The following COL26A1 variants were observed in gnomAD, a reference collection of about 807,000 sequenced individuals.
COL26A1 encodes collagen alpha-1(XXVI) chain.
A neutral mutation model predicts 59.3 loss-of-function variants in COL26A1; 41 were observed. The observed-to-expected ratio is 0.69, with a 90% confidence interval of 0.54 to 0.90. The LOEUF is 0.90. Among genes scored for constraint, COL26A1 ranks in the 40% least tolerant of loss-of-function variants. The pLI is 0.00. For synonymous variants in COL26A1, 266 were observed against 256.0 expected, an observed-to-expected ratio of 1.04 and a Z score of -0.37; for missense variants, 612 against 602.3, an observed-to-expected ratio of 1.02 and a Z score of -0.17.
intron 3 of COL26A1, among the ~76,000 whole-genome samples, chr7:101,488,324 T>C (rs1489503898): frequency 1.4e-5 from 2 of 143,270 alleles, no homozygotes; most frequent in Admixed American, 7.2e-5. Flanking sequence ...CATTTTAACA[T>C]TTTAATCCGT....
At chr7:101,404,147 G>A (rs1014929903) in intron 1 of COL26A1, among the ~76,000 whole-genome samples, 7 of 152,118 alleles carry the variant, frequency 4.6e-5, no homozygotes, top group African/African-American at 7.2e-5. Context: ...AGCCTGGAGC[G>A]GTGGCAGCCA....
At chr7:101,440,975 C>CAAAAAA (rs71891771) in intron 2 of COL26A1, among the ~76,000 whole-genome samples, 1 of 100,386 alleles carries the variant, frequency 1.0e-5, no homozygotes, top group Non-Finnish European at 2.4e-5. Flanking sequence ...GACTCCGTCT[C>CAAAAAA]AAAAAAAAAA....
At chr7:101,440,567 A>G (rs1224657241) in intron 2 of COL26A1, among the ~76,000 whole-genome samples, 2 of 152,130 alleles carry the variant, frequency 1.3e-5, no homozygotes. Flanking sequence ...GCCGGTTGGG[A>G]TGGTGACACA....
chr7:101,465,206 A>C (rs1467633950), intron 3 of COL26A1, among the ~76,000 whole-genome samples: 1 of 151,656 alleles, frequency 6.6e-6, no homozygotes, highest in Non-Finnish European at 1.5e-5. Context: ...AGCTCTGCTA[A>C]GTTTTAAATT....
intron 2 of COL26A1, among the ~76,000 whole-genome samples, chr7:101,423,503 G>T (rs537198575): frequency 1.3e-5 from 2 of 152,254 alleles, no homozygotes; most frequent in South Asian, 2.1e-4. Context: ...TGGAGGATAA[G>T]GTGGGTGGAT....
intron 3 of COL26A1, among the ~76,000 whole-genome samples, chr7:101,473,707 G>T (rs1793965576): frequency 6.7e-6 from 1 of 149,616 alleles, no homozygotes; most frequent in African/African-American, 2.5e-5. Flanking sequence ...AAAAAAATTA[G>T]CCAGGTGTGG....
chr7:101,422,957 G>A (rs1792558999), intron 2 of COL26A1, among the ~76,000 whole-genome samples: 1 of 152,122 alleles, frequency 6.6e-6, no homozygotes, highest in Non-Finnish European at 1.5e-5. Flanking sequence ...AGTTAAAGCT[G>A]TTACACTATC....
At chr7:101,449,046 G>T (rs996685450) in intron 3 of COL26A1, among the ~76,000 whole-genome samples, 1 of 152,206 alleles carries the variant, frequency 6.6e-6, no homozygotes, top group Non-Finnish European at 1.5e-5. Flanking sequence ...ATGCCAGGGA[G>T]TCCGACAGGT....
chr7:101,436,479 GA>G (rs1792917977), intron 2 of COL26A1, among the ~76,000 whole-genome samples: 1 of 152,096 alleles, frequency 6.6e-6, no homozygotes, highest in South Asian at 2.1e-4. Context: ...TGGAGGCTGA[GA>G]AGGGGTACGT....
chr7:101,502,459 T>C (rs1269882426), intron 3 of COL26A1, among the ~76,000 whole-genome samples: 3 of 152,214 alleles, frequency 2.0e-5, no homozygotes, highest in Non-Finnish European at 4.4e-5. Context: ...AATCCCCTCT[T>C]GTTCTAATGG....
chr7:101,489,867 T>C (rs550211925), intron 3 of COL26A1, among the ~76,000 whole-genome samples: 17 of 66,850 alleles, frequency 2.5e-4, no homozygotes, highest in South Asian at 1.8e-3. Flanking sequence ...TCTTTCTTTC[T>C]TTCTTTCTTT....
chr7:101,501,431 G>A (rs1442218584), intron 3 of COL26A1, among the ~76,000 whole-genome samples: 2 of 152,214 alleles, frequency 1.3e-5, no homozygotes, highest in East Asian at 3.9e-4. Context: ...AAGGCCAGGA[G>A]GAGCTCAGAG....
At chr7:101,365,744 G>A (rs1023061250) in intron 1 of COL26A1, among the ~76,000 whole-genome samples, 1 of 151,990 alleles carries the variant, frequency 6.6e-6, no homozygotes, top group African/African-American at 2.4e-5. Context: ...CCTACTGGCC[G>A]GTACGGGGAT....
At chr7:101,377,455 C>CA (rs1226588489) in intron 1 of COL26A1, among the ~76,000 whole-genome samples, 1 of 152,118 alleles carries the variant, frequency 6.6e-6, no homozygotes, top group African/African-American at 2.4e-5. Context: ...GCCAGGGTCT[C>CA]ACTCTGTTGT....
intron 1 of COL26A1, among the ~76,000 whole-genome samples, chr7:101,405,004 A>T (rs1163034004): frequency 6.6e-6 from 1 of 152,184 alleles, no homozygotes; most frequent in Non-Finnish European, 1.5e-5. Flanking sequence ...CGGGCAGATC[A>T]CAAGGTCAGG....
intron 1 of COL26A1, among the ~76,000 whole-genome samples, chr7:101,395,251 C>A (rs1791829303): frequency 6.6e-6 from 1 of 152,110 alleles, no homozygotes; most frequent in South Asian, 2.1e-4. Context: ...AGGGAGAAAA[C>A]CTTATCCTGA....
intron 1 of COL26A1, among the ~76,000 whole-genome samples, chr7:101,385,367 G>GTGTATATATATATATATATATATATA (rs896826101): frequency 2.2e-5 from 3 of 137,022 alleles, no homozygotes; most frequent in East Asian, 2.1e-4. Flanking sequence ...ATATATGTGT[G>GTGTATATATATATATATATATATATA]TATATATATA....
rs149391579 is a variant in COL26A1 at position 101,408,799 on chromosome 7, G to A, written c.159-11178G>A. 7.8e-3 allele frequency among the ~76,000 whole-genome samples: 1,182 copies of A among 152,254 alleles called. 11 individuals carry two copies. The highest frequency in any genetic ancestry group is 0.043 in the East Asian group (222 of 5,172). On this transcript the variant is annotated intron_variant, in intron 1 of 12. Coordinates refer to ENST00000313669, the MANE Select transcript of COL26A1 (RefSeq NM_001278563.3). Reference sequence around the variant, plus strand: ...TCCTTGCTGCGGCTGTGCAGATCTAGCTTGGATCCCAACTCTCTCCTAAGA... The same window carrying A: ...TCCTTGCTGCGGCTGTGCAGATCTAACTTGGATCCCAACTCTCTCCTAAGA...
intron 1 of COL26A1, among the ~76,000 whole-genome samples, chr7:101,419,418 C>A (rs1792456329): frequency 6.6e-6 from 1 of 152,106 alleles, no homozygotes; most frequent in African/African-American, 2.4e-5. Flanking sequence ...GGCCTGGCCA[C>A]TTCCCATTGC....
Sources: allele counts gnomAD v4.1 joint callset (sites outside exome capture counted in the v4.1 genomes callset), GRCh38; gene constraint gnomAD v4.1.1; transcripts MANE v1.5; gene names NCBI Gene and HGNC (gene_info 2026-07-23, HGNC 2026-07-21).